MCM5: variants seen among roughly 807,000 people sequenced by gnomAD.
MCM5 encodes DNA replication licensing factor MCM5.
In MCM5, 46 loss-of-function variants were observed where a neutral mutation model predicts 79.9. The observed-to-expected ratio is 0.58, with a 90% confidence interval of 0.45 to 0.74. The LOEUF is 0.74. Among genes scored for constraint, MCM5 ranks in the 30% least tolerant of loss-of-function variants. MCM5 has a pLI of 0.00. For missense variants in MCM5, 883 were observed against 1,017.0 expected (o/e 0.87, Z 1.79); for synonymous variants, 404 against 390.5 (o/e 1.03, Z -0.41).
At chr22:35,408,919 C>A (rs1435075456) in intron 6 of MCM5, among the ~76,000 whole-genome samples, 1 of 152,120 alleles carries the variant, frequency 6.6e-6, no homozygotes, top group Non-Finnish European at 1.5e-5. Flanking sequence ...TAACCAATAG[C>A]TGGCAAAGCC....
intron 9 of MCM5, among the ~76,000 whole-genome samples, chr22:35,415,018 C>T (rs1932500574): frequency 6.6e-6 from 1 of 152,090 alleles, no homozygotes; most frequent in Non-Finnish European, 1.5e-5. Context: ...AAATAGTGAA[C>T]TGCACATGCG....
At chr22:35,448,989 TG>T in the MCM5 span, among the ~76,000 whole-genome samples, 2 of 152,174 alleles carry the variant, frequency 1.3e-5, no homozygotes, top group South Asian at 4.1e-4. Context: ...GCAAGCCTCA[TG>T]GTCAAGTCCA....
the MCM5 span, among the ~76,000 whole-genome samples, chr22:35,445,127 G>A: frequency 1.3e-5 from 2 of 152,144 alleles, no homozygotes; most frequent in African/African-American, 2.4e-5. Flanking sequence ...TTGCTCCCCA[G>A]CTCTGCCATT....
At chr22:35,449,115 C>T in the MCM5 span, among the ~76,000 whole-genome samples, 1 of 152,126 alleles carries the variant, frequency 6.6e-6, no homozygotes, top group South Asian at 2.1e-4. Context: ...AGGAAAGCAA[C>T]CCGTATGGGC....
the MCM5 span, among the ~76,000 whole-genome samples, chr22:35,443,853 G>A: frequency 6.6e-6 from 1 of 150,734 alleles, no homozygotes; most frequent in African/African-American, 2.4e-5. Context: ...AGGCCTCGGA[G>A]GGGGCCGTGG....
chr22:35,444,802 C>T, the MCM5 span, among the ~76,000 whole-genome samples: 24 of 152,176 alleles, frequency 1.6e-4, no homozygotes, highest in Non-Finnish European at 1.5e-5. Context: ...TTGCTTGAGG[C>T]CAGGCATTTG....
intron 4 of MCM5, among the ~76,000 whole-genome samples, chr22:35,403,927 T>G (rs1932137045): frequency 1.5e-5 from 2 of 136,834 alleles, no homozygotes; most frequent in African/African-American, 5.6e-5. Flanking sequence ...ACCCTGGCTC[T>G]CCAAAAAACA....
Position 35,403,396 on chromosome 22 carries a change from G to T in MCM5, c.295-18G>T. ...TCTGCCCCAGTTACTAATAGCCTGT[G>T]CCCTTCCCTTTCTCCAGCTGGAGGA... On this transcript the variant is annotated intron_variant, in intron 3 of 16. Transcript: ENST00000216122. The T allele has an allele frequency of 6.2e-7, 1 of 1,614,172 alleles. No individual in the cohort carries two copies. Among genetic ancestry groups the T allele is most frequent in the Non-Finnish European group, 8.5e-7 (1 of 1,180,030 alleles).
intron 16 of MCM5, 124 bp from the exon 17 acceptor site, chr22:35,424,030 A>T (rs1301423317): frequency 4.8e-6 from 3 of 619,524 alleles, no homozygotes; most frequent in Non-Finnish European, 8.6e-6. Context: ...GGCACTCAGG[A>T]AGTGTGGGCC....
At chr22:35,453,607 A>G in the MCM5 span, among the ~76,000 whole-genome samples, 83,921 of 150,300 alleles carry the variant, frequency 0.56, 24,063 homozygotes, top group Non-Finnish European at 0.62. Flanking sequence ...AGACATAAAT[A>G]GAGACAGAGA....
At position 35,412,603 on chromosome 22, in the gene MCM5, G is replaced by A. The variant is rs749621680; in HGVS notation, c.1013G>A (p.Ser338Asn). ...AATGTCTATGAGGTCATCTCCAAGA[G>A]CATCGCCCCCTCCATCTTTGGGGGC... ...LPNVYEVISK[S>N]IAPSIFGGTD... Residue 338 changes from serine to asparagine, a missense_variant, in exon 8 of 17, where the codon AGC (serine) becomes AAC (asparagine). Coordinates refer to ENST00000216122, the MANE Select transcript of MCM5 (RefSeq NM_006739.4). 9 of 1,587,182 alleles carry A rather than the reference G, an allele frequency of 5.7e-6. 1 individual carries two copies. In the South Asian group the frequency reaches 8.0e-5, roughly 14 times the overall value.
downstream of MCM5, among the ~76,000 whole-genome samples, chr22:35,426,845 C>T (rs896848666): frequency 6.6e-5 from 10 of 152,210 alleles, no homozygotes; most frequent in African/African-American, 2.4e-4. Flanking sequence ...CTGCCCCACT[C>T]TACTCCTGGC....
At chr22:35,402,494 GT>G (rs996685807) in intron 2 of MCM5, among the ~76,000 whole-genome samples, 21 of 144,036 alleles carry the variant, frequency 1.5e-4, no homozygotes, top group Admixed American at 3.5e-4. Flanking sequence ...ACCCGGCTAG[GT>G]TTTTTTTTTT....
Position 35,400,598 on chromosome 22 carries a change from A to G in MCM5, c.160A>G (p.Lys54Glu). The change falls in exon 2 of 17, where the codon AAA (lysine) becomes GAA (glutamate). Residue 54 changes from lysine (K) to glutamate (E), a missense_variant. Lys to Glu is a moderately conservative substitution (Grantham distance 56). Transcript: ENST00000216122. The part of the protein sequence containing the change: ...VGTDRTGFTF[K>E]YRDELKRHYN... The stretch of plus-strand genomic sequence containing the variant: ...CACCGACCGCACGGGCTTCACCTTC[A>G]AATACAGGTGCGGCTCCTGCGGGGC... The G allele has an allele frequency of 6.2e-7, 1 of 1,607,832 alleles. No individual in the cohort carries two copies. The highest frequency in any genetic ancestry group is 8.5e-7 in the Non-Finnish European group (1 of 1,176,062).
In MCM5 at chr22:35,415,948, C is replaced by T. The variant is rs1181774652; in HGVS notation, c.1323C>T (p.Val441=). 6 of 1,613,876 alleles carry T rather than the reference C, an allele frequency of 3.7e-6. No homozygotes were observed. Among genetic ancestry groups the T allele is most frequent in the African/African-American group, 2.7e-5 (2 of 74,876 alleles). ...GGAMVLADGG[V]VCIDEFDKMR... ...CCATGGTCCTGGCCGATGGTGGGGT[C>T]GTCTGTATTGACGAGTTTGACAAGG... Residue 441 remains valine, a synonymous_variant, in exon 10 of 17, where the codon GTC becomes GTT. Coordinates refer to ENST00000216122, the MANE Select transcript of MCM5 (RefSeq NM_006739.4).
At chr22:35,409,302 G>A (rs547860899) in intron 6 of MCM5, among the ~76,000 whole-genome samples, 8 of 152,328 alleles carry the variant, frequency 5.3e-5, no homozygotes, top group Non-Finnish European at 8.8e-5. Flanking sequence ...GAACAGCCAC[G>A]GTGGCTCATG....
At chr22:35,418,469 G>A (rs1459295617) in intron 13 of MCM5, among the ~76,000 whole-genome samples, 2 of 152,088 alleles carry the variant, frequency 1.3e-5, no homozygotes, top group African/African-American at 4.8e-5. Context: ...AGACCAGCCT[G>A]GCCAACGTGG....
chr22:35,449,048 G>A, the MCM5 span, among the ~76,000 whole-genome samples: 2 of 152,174 alleles, frequency 1.3e-5, no homozygotes, highest in Non-Finnish European at 2.9e-5. Context: ...GGGAGATGAG[G>A]CAAAGCCACA....
chr22:35,416,672 C>T lies in MCM5; in HGVS notation c.1448C>T (p.Ser483Phe). The change falls in exon 12 of 17, where the codon TCC (serine) becomes TTC (phenylalanine). Residue 483 changes from serine (S) to phenylalanine (F), a missense_variant. Ser to Phe is a radical substitution (Grantham distance 155). Coordinates refer to ENST00000216122, the MANE Select transcript of MCM5 (RefSeq NM_006739.4). Reference protein sequence around the residue: ...GITTTLNSRCSVLAAANSVFG... With the variant: ...GITTTLNSRCFVLAAANSVFG... ...ACCACCACCCTGAACTCCCGCTGCT[C>T]CGTCCTGGCTGCTGCCAACTCAGTG... The T allele has an allele frequency of 6.2e-7, 1 of 1,614,124 alleles. No individual in the cohort carries two copies. Among genetic ancestry groups the T allele is most frequent in the Non-Finnish European group, 8.5e-7 (1 of 1,180,026 alleles).
Sources: allele counts gnomAD v4.1 joint callset (sites outside exome capture counted in the v4.1 genomes callset), GRCh38; gene constraint gnomAD v4.1.1; transcripts MANE v1.5; gene names NCBI Gene and HGNC (gene_info 2026-07-23, HGNC 2026-07-21).